Variants in SPNS2 observed in about 807,000 individuals in gnomAD.
SPNS2 encodes SPNS lysolipid transporter 2, sphingosine-1-phosphate.
In SPNS2, 37 loss-of-function variants were observed where a neutral mutation model predicts 57.6. That is an observed-to-expected ratio of 0.64 (90% confidence interval 0.49 to 0.85). The LOEUF is 0.85. Ranked by LOEUF, SPNS2 falls within the 40% of genes least tolerant of loss-of-function variation. SPNS2 has a pLI of 0.00. For synonymous variants in SPNS2, 440 were observed against 346.9 expected, an observed-to-expected ratio of 1.27 and a Z score of -2.98; for missense variants, 831 against 779.1, an observed-to-expected ratio of 1.07 and a Z score of -0.79.
At chr17:4,524,287 G>T (rs755029201) in intron 2 of SPNS2, among the ~76,000 whole-genome samples, 14 of 152,180 alleles carry the variant, frequency 9.2e-5, no homozygotes, top group Non-Finnish European at 1.5e-4. Context: ...AACATTTACT[G>T]CCTGTGGGGT....
chr17:4,534,206 C>T (rs754390632), intron 9 of SPNS2, among the ~76,000 whole-genome samples: 2 of 152,174 alleles, frequency 1.3e-5, no homozygotes, highest in Admixed American at 6.5e-5. Flanking sequence ...TAGGCTCTGC[C>T]CTCTCTACTC....
Position 4,512,729 on chromosome 17 carries a change from G to C in SPNS2, c.371-518G>C, listed in dbSNP as rs1904871624. ...GTGCACACACGTGCGTGCGTGTGCA[G>C]GTGTGTGTGTGCATGTACAGGTGTG... is the stretch of plus-strand genomic sequence containing the variant. On this transcript the variant is annotated intron_variant, in intron 1 of 12. Transcript: ENST00000329078. This position sits in a 1 kb window ranked among gnomAD's most constrained non-coding sequence, Gnocchi z 5.2. Among the ~76,000 whole-genome samples, 1 of 151,308 alleles carries C rather than the reference G, an allele frequency of 6.6e-6. No individual in the cohort carries two copies. The highest frequency in any genetic ancestry group is 1.5e-5 in the Non-Finnish European group (1 of 67,900).
rs978303236 is a variant in SPNS2, at chr17:4,538,068, C to G, written c.*620C>G. 5.9e-6 allele frequency: 2 copies of G among 341,328 alleles called. No homozygotes were observed. Among genetic ancestry groups the G allele is most frequent in the Admixed American group, 3.9e-5 (1 of 25,872 alleles). The allele number at this position is 341,328 out of a possible 1,614,324, so 21.1% of individuals were successfully genotyped here. ...CTGGGTACTCCCTGGAGGACACTGT[C>G]TCACTGTCTCGGGTTGGCTCCCAGC... On this transcript the variant is annotated 3_prime_UTR_variant, in exon 13 of 13. Coordinates refer to ENST00000329078, the MANE Select transcript of SPNS2 (RefSeq NM_001124758.3).
chr17:4,530,380 A>G (rs1358648163), intron 3 of SPNS2, among the ~76,000 whole-genome samples: 1 of 152,184 alleles, frequency 6.6e-6, no homozygotes, highest in Non-Finnish European at 1.5e-5. Flanking sequence ...TACCACTCTC[A>G]AGCTGGGATA....
intron 1 of SPNS2, among the ~76,000 whole-genome samples, chr17:4,502,961 T>G (rs1190508581): frequency 6.6e-6 from 1 of 152,132 alleles, no homozygotes; most frequent in Non-Finnish European, 1.5e-5. Flanking sequence ...CTCCGCCCCA[T>G]GAGAACCCCC....
At chr17:4,520,245 C>T (rs1444084405) in intron 2 of SPNS2, among the ~76,000 whole-genome samples, 2 of 152,240 alleles carry the variant, frequency 1.3e-5, no homozygotes, top group South Asian at 2.1e-4. Flanking sequence ...GGGGACGGGG[C>T]GTGCCAGCTT....
intron 1 of SPNS2, among the ~76,000 whole-genome samples, chr17:4,505,403 T>C (rs1597358226): frequency 6.6e-6 from 1 of 152,198 alleles, no homozygotes; most frequent in Non-Finnish European, 1.5e-5. Flanking sequence ...TGGCTGGTGC[T>C]GTCTCTTTGT....
chr17:4,533,886 G>A, intron 9 of SPNS2, 33 bp downstream of exon 9: 2 of 1,605,616 alleles, frequency 1.2e-6, no homozygotes, highest in South Asian at 1.1e-5. Flanking sequence ...ACCTTGTGCT[G>A]CTGACCCAGG....
intron 1 of SPNS2, among the ~76,000 whole-genome samples, chr17:4,507,686 C>T (rs1252049820): frequency 1.3e-5 from 2 of 152,240 alleles, no homozygotes; most frequent in Non-Finnish European, 1.5e-5. Context: ...TTAGCTAAGC[C>T]ACCTGCTGCT....
At chr17:4,536,852 CG>C in intron 11 of SPNS2, 47 bp from the exon 12 acceptor site, 1 of 1,529,442 alleles carries the variant, frequency 6.5e-7, no homozygotes, top group Non-Finnish European at 9.0e-7. Flanking sequence ...TGCCCGGGCC[CG>C]GCCCCCGCTG....
chr17:4,506,330 A>G (rs1904677227), intron 1 of SPNS2, among the ~76,000 whole-genome samples: 1 of 152,136 alleles, frequency 6.6e-6, no homozygotes, highest in Non-Finnish European at 1.5e-5. Flanking sequence ...CCTCTTCCCC[A>G]GGCCCCTGCC....
intron 10 of SPNS2, 41 bp from the exon 11 acceptor site, chr17:4,536,222 A>T (rs772730211): frequency 6.2e-7 from 1 of 1,608,770 alleles, no homozygotes; most frequent in Non-Finnish European, 8.5e-7. Flanking sequence ...GGGGGACTGC[A>T]GGAGGGCTCT....
At chr17:4,536,732 TCTCTCTCCTCTCCCCACCCCTGGG>T (rs1485199207) in intron 11 of SPNS2, 144 bp from the exon 12 acceptor site, 1 of 660,820 alleles carries the variant, frequency 1.5e-6, no homozygotes, top group Non-Finnish European at 2.7e-6. Flanking sequence ...TTTACTCCTC[TCTCTCTCCTCTCCCCACCCCTGGG>T]CTCTCCCATC....
chr17:4,531,129 A>G lies in SPNS2; in HGVS notation c.792+10A>G, dbSNP rs1001410471. ...GCACTGGGCATTGCGGGTAAGCCCTACGTCCCTTCCCATGAGGACACCCTC... is the reference window on the plus strand; with the variant it reads ...GCACTGGGCATTGCGGGTAAGCCCTGCGTCCCTTCCCATGAGGACACCCTC... On this transcript the variant is annotated intron_variant, in intron 5 of 12. Coordinates refer to ENST00000329078, the MANE Select transcript of SPNS2 (RefSeq NM_001124758.3). 1 of 1,613,618 alleles carries G rather than the reference A, an allele frequency of 6.2e-7. No homozygotes were observed. Among genetic ancestry groups the G allele is most frequent in the Non-Finnish European group, 8.5e-7 (1 of 1,179,868 alleles).
At chr17:4,524,798 A>AGTACCCAAAGGGC (rs1210172503) in intron 2 of SPNS2, among the ~76,000 whole-genome samples, 3 of 152,260 alleles carry the variant, frequency 2.0e-5, no homozygotes, top group Non-Finnish European at 4.4e-5. Flanking sequence ...TCTTTTAAAA[A>AGTACCCAAAGGGC]GTACCCAAAG....
At chr17:4,534,860 C>G (rs1000422995) in intron 9 of SPNS2, among the ~76,000 whole-genome samples, 1 of 152,054 alleles carries the variant, frequency 6.6e-6, no homozygotes, top group Non-Finnish European at 1.5e-5. Context: ...TGGGCAGGAC[C>G]CCCTCTCCTG....
chr17:4,505,622 G>A (rs1416666665), intron 1 of SPNS2, among the ~76,000 whole-genome samples: 5 of 152,232 alleles, frequency 3.3e-5, no homozygotes, highest in Admixed American at 6.5e-5. Flanking sequence ...TGCAGATAGG[G>A]CTGGCCCAGG....
intron 3 of SPNS2, among the ~76,000 whole-genome samples, chr17:4,526,839 G>T (rs1905273535): frequency 1.3e-5 from 2 of 152,188 alleles, no homozygotes; most frequent in Non-Finnish European, 2.9e-5. Context: ...GGACATCCTT[G>T]CTTCATGGGG....
chr17:4,520,528 C>T (rs1465067261), intron 2 of SPNS2, among the ~76,000 whole-genome samples: 1 of 152,098 alleles, frequency 6.6e-6, no homozygotes, highest in Non-Finnish European at 1.5e-5. Context: ...TCTCTGCCGC[C>T]TTCTAAACAC....
Sources: allele counts gnomAD v4.1 joint callset (sites outside exome capture counted in the v4.1 genomes callset), GRCh38; gene constraint gnomAD v4.1.1; non-coding constraint Gnocchi (gnomAD v3.1); transcripts MANE v1.5; gene names NCBI Gene and HGNC (gene_info 2026-07-23, HGNC 2026-07-21).